The following ST6GALNAC3 variants were observed in gnomAD, a reference collection of about 807,000 sequenced individuals.
ST6GALNAC3 encodes ST6 N-acetylgalactosaminide alpha-2,6-sialyltransferase 3, also known as alpha-N-acetylgalactosaminide alpha-2,6-sialyltransferase 3.
In ST6GALNAC3, 25 loss-of-function variants were observed where a neutral mutation model predicts 32.7. The ratio of observed to expected loss-of-function variants is 0.76; its 90% CI spans 0.56 to 1.07. ST6GALNAC3 has a LOEUF of 1.07. ST6GALNAC3 is among the 50% of genes least tolerant of loss of function. The pLI is 0.00. For synonymous variants in ST6GALNAC3, 129 were observed against 133.1 expected (o/e 0.97, Z 0.21); for missense variants, 355 against 382.4 (o/e 0.93, Z 0.60).
intron 1 of ST6GALNAC3, among the ~76,000 whole-genome samples, chr1:76,203,439 G>A (rs1202760395): frequency 3.9e-5 from 6 of 152,308 alleles, no homozygotes; most frequent in Non-Finnish European, 8.8e-5. Context: ...AGATGATTCT[G>A]TTGCATGTGG....
At chr1:76,602,637 C>T (rs1414190938) in intron 3 of ST6GALNAC3, among the ~76,000 whole-genome samples, 1 of 151,534 alleles carries the variant, frequency 6.6e-6, no homozygotes, top group Non-Finnish European at 1.5e-5. Context: ...AAAAACAGCC[C>T]CCAAAGCACA....
chr1:76,160,990 G>A (rs1025619934), intron 1 of ST6GALNAC3, among the ~76,000 whole-genome samples: 2 of 152,208 alleles, frequency 1.3e-5, no homozygotes, highest in African/African-American at 4.8e-5. Context: ...AGCCACTTAT[G>A]TAAAGGACCC....
At chr1:76,097,045 A>G (rs1647145948) in intron 1 of ST6GALNAC3, among the ~76,000 whole-genome samples, 1 of 151,778 alleles carries the variant, frequency 6.6e-6, no homozygotes, top group Non-Finnish European at 1.5e-5. Context: ...CAGCCTCCCA[A>G]GTAGCTAGGA....
intron 1 of ST6GALNAC3, among the ~76,000 whole-genome samples, chr1:76,112,782 C>T (rs1571179869): frequency 6.6e-6 from 1 of 150,994 alleles, no homozygotes. Context: ...AGACGATGGG[C>T]GGCCGGGCAG....
At chr1:76,170,578 C>T (rs981857961) in intron 1 of ST6GALNAC3, among the ~76,000 whole-genome samples, 45 of 152,156 alleles carry the variant, frequency 3.0e-4, no homozygotes, top group Non-Finnish European at 5.9e-4. Context: ...GATTATGGCA[C>T]CAGAAGAGAG....
Position 76,441,066 on chromosome 1 carries a change from C to T in ST6GALNAC3, c.623+28649C>T, listed in dbSNP as rs548309460. 1.3e-3 allele frequency among the ~76,000 whole-genome samples: 164 copies of T among 122,448 alleles called. 1 individual carries two copies. The highest frequency in any genetic ancestry group is 2.1e-3 in the Non-Finnish European group (133 of 62,822). The allele number at this position is 122,448 out of a possible 152,430, so 80.3% of individuals were successfully genotyped here. On this transcript the variant is annotated intron_variant, in intron 3 of 4. Transcript: ENST00000328299. ...TCATGCCACTGCACTCCAGCCTGGG[C>T]GACAGAGTGAGACTATGTCTCCAAA...
intron 2 of ST6GALNAC3, among the ~76,000 whole-genome samples, chr1:76,339,578 A>G (rs1369372948): frequency 6.6e-6 from 1 of 152,124 alleles, no homozygotes; most frequent in Non-Finnish European, 1.5e-5. Context: ...TAAGGAAGGC[A>G]TTTTTCCTTT....
chr1:76,103,779 CCT>C (rs1257663294), intron 1 of ST6GALNAC3, among the ~76,000 whole-genome samples: 6 of 152,122 alleles, frequency 3.9e-5, no homozygotes, highest in African/African-American at 1.4e-4. Context: ...ATGGCCTTCT[CCT>C]CTCTGTGTCT....
At chr1:76,339,192 C>A (rs776868784) in intron 2 of ST6GALNAC3, among the ~76,000 whole-genome samples, 5 of 152,210 alleles carry the variant, frequency 3.3e-5, no homozygotes, top group South Asian at 2.1e-4. Flanking sequence ...CCTTTCATGG[C>A]GAAGGGGACT....
chr1:76,611,814 C>G (rs560583734), intron 3 of ST6GALNAC3, among the ~76,000 whole-genome samples: 9 of 152,284 alleles, frequency 5.9e-5, no homozygotes, highest in Admixed American at 3.9e-4. Flanking sequence ...TCTCACAAAG[C>G]TAAAAATCAT....
chr1:76,373,868 T>C (rs1170926717), intron 2 of ST6GALNAC3, among the ~76,000 whole-genome samples: 1 of 152,192 alleles, frequency 6.6e-6, no homozygotes, highest in African/African-American at 2.4e-5. Flanking sequence ...CTCAAAGCAT[T>C]CTAGAGACAG....
chr1:76,469,300 T>C (rs571610484), intron 3 of ST6GALNAC3, among the ~76,000 whole-genome samples: 8 of 152,144 alleles, frequency 5.3e-5, no homozygotes, highest in African/African-American at 1.7e-4. Context: ...TCCTTGTGGA[T>C]TTGAGGGACG....
At chr1:76,362,351 A>G (rs757986430) in intron 2 of ST6GALNAC3, among the ~76,000 whole-genome samples, 8 of 152,164 alleles carry the variant, frequency 5.3e-5, no homozygotes, top group Non-Finnish European at 1.0e-4. Flanking sequence ...GAGGGATTAC[A>G]GTTCGATGTG....
At chr1:76,154,863 C>T (rs1467711691) in intron 1 of ST6GALNAC3, among the ~76,000 whole-genome samples, 2 of 152,268 alleles carry the variant, frequency 1.3e-5, no homozygotes, top group East Asian at 3.9e-4. Flanking sequence ...TACCATTTAA[C>T]GAAAACCACC....
rs183301512 is a variant in ST6GALNAC3, at chr1:76,516,421, T to C, written c.623+104004T>C. Among the ~76,000 whole-genome samples, 15 of 152,324 alleles carry C rather than the reference T, an allele frequency of 9.8e-5. No individual in the cohort carries two copies. In the East Asian group the frequency reaches 2.5e-3, roughly 25 times the overall value. ...AACTTTTTAAAATAGGTTTTTATAA[T>C]TGGCAATTAAAAATATACTTTTTTG... On this transcript the variant is annotated intron_variant, in intron 3 of 4. Transcript: ENST00000328299.
intron 3 of ST6GALNAC3, among the ~76,000 whole-genome samples, chr1:76,534,610 T>C (rs1378729654): frequency 6.6e-6 from 1 of 152,188 alleles, no homozygotes; most frequent in Non-Finnish European, 1.5e-5. Context: ...CTATACTCTT[T>C]CCTTTCCTAC....
intron 3 of ST6GALNAC3, among the ~76,000 whole-genome samples, chr1:76,423,756 C>T (rs1655185672): frequency 6.6e-6 from 1 of 151,836 alleles, no homozygotes; most frequent in African/African-American, 2.4e-5. Flanking sequence ...GTTGTTTATT[C>T]TCTCCTAAAA....
chr1:76,482,840 A>G (rs912366568), intron 3 of ST6GALNAC3, among the ~76,000 whole-genome samples: 7 of 151,508 alleles, frequency 4.6e-5, no homozygotes, highest in African/African-American at 1.5e-4. Flanking sequence ...CTCATCATTT[A>G]CATTAGTTAT....
intron 2 of ST6GALNAC3, among the ~76,000 whole-genome samples, chr1:76,354,654 G>T (rs1009299072): frequency 6.6e-6 from 1 of 152,198 alleles, no homozygotes; most frequent in African/African-American, 2.4e-5. Flanking sequence ...ATTTGGTGAA[G>T]TGTGTGCCTG....
Sources: allele counts gnomAD v4.1 joint callset (sites outside exome capture counted in the v4.1 genomes callset), GRCh38; gene constraint gnomAD v4.1.1; transcripts MANE v1.5; gene names NCBI Gene and HGNC (gene_info 2026-07-23, HGNC 2026-07-21).